Variants in RCOR3 observed in about 807,000 individuals in gnomAD.
The protein encoded by RCOR3 is REST corepressor 3.
A neutral mutation model predicts 64.1 loss-of-function variants in RCOR3; 13 were observed. That is an observed-to-expected ratio of 0.20 (90% CI 0.13 to 0.32). RCOR3 has a LOEUF of 0.32. RCOR3 is among the 10% of genes least tolerant of loss of function. The probability of loss-of-function intolerance (pLI) is 1.00; values close to 1 mark genes in which losing one functional copy is unlikely to be tolerated. For synonymous variants in RCOR3, 215 were observed against 239.0 expected (o/e 0.90, Z 0.93); for missense variants, 489 against 701.2 (o/e 0.70, Z 3.42).
chr1:211,283,803 C>G (rs1698151716), intron 7 of RCOR3, among the ~76,000 whole-genome samples: 1 of 146,430 alleles, frequency 6.8e-6, no homozygotes, highest in African/African-American at 2.6e-5. Context: ...GCCAGCATGC[C>G]TGGCTTGTAT....
intron 10 of RCOR3, among the ~76,000 whole-genome samples, chr1:211,308,196 C>T (rs986210482): frequency 9.9e-5 from 15 of 152,114 alleles, no homozygotes; most frequent in South Asian, 2.1e-4. Flanking sequence ...ACCATAAGAA[C>T]GGAGGTTCAA....
chr1:211,305,816 A>C (rs1700794881), intron 10 of RCOR3, among the ~76,000 whole-genome samples: 1 of 152,208 alleles, frequency 6.6e-6, no homozygotes. Context: ...CTAAATATAT[A>C]GTTTGAACTA....
At chr1:211,271,990 C>G (rs765377777) in intron 3 of RCOR3, 43 of 156,304 alleles carry the variant, frequency 2.8e-4, no homozygotes, top group Non-Finnish European at 5.1e-4. Context: ...ATAAACTTGT[C>G]TTTTTAGAAT....
At chr1:211,268,369 C>CTTTTTTTTTTTTT (rs756643084) in intron 2 of RCOR3, among the ~76,000 whole-genome samples, 4 of 79,358 alleles carry the variant, frequency 5.0e-5, no homozygotes, top group Admixed American at 1.6e-4. Flanking sequence ...TCTTTTCTTT[C>CTTTTTTTTTTTTT]TTTTTTTTTT....
intron 5 of RCOR3, among the ~76,000 whole-genome samples, chr1:211,277,106 CAAAAAAACAAAAAAAAT>C (rs1697102945): frequency 6.7e-6 from 1 of 148,864 alleles, no homozygotes; most frequent in Non-Finnish European, 1.5e-5. Context: ...ACAAAAAAAA[CAAAAAAACAAAAAAAAT>C]ATTATTTCAA....
rs373804516 is a variant in RCOR3 at position 211,260,481 on chromosome 1, C to T, written c.223+317C>T. Among the ~76,000 whole-genome samples, 305 of 152,324 alleles carry T rather than the reference C, an allele frequency of 2.0e-3. 1 individual carries two copies. The highest frequency in any genetic ancestry group is 6.9e-3 in the African/African-American group (288 of 41,566). ...CCTTGGCGGAGTCCAGGGTCCGAGGCCGCGGGCTGGAGGAGCAGGCGTGCG... is the reference window on the plus strand; with the variant it reads ...CCTTGGCGGAGTCCAGGGTCCGAGGTCGCGGGCTGGAGGAGCAGGCGTGCG... On this transcript the variant is annotated intron_variant, in intron 2 of 11. Transcript: ENST00000419091.
At chr1:211,268,584 T>C (rs1166830032) in intron 2 of RCOR3, among the ~76,000 whole-genome samples, 1 of 151,906 alleles carries the variant, frequency 6.6e-6, no homozygotes, top group Non-Finnish European at 1.5e-5. Context: ...TCCATGTTGG[T>C]CATGCTGGTC....
At chr1:211,265,913 C>G (rs1695104704) in intron 2 of RCOR3, among the ~76,000 whole-genome samples, 1 of 151,954 alleles carries the variant, frequency 6.6e-6, no homozygotes, top group Non-Finnish European at 1.5e-5. Context: ...AAATTTTGGG[C>G]CATGTACTCT....
At chr1:211,273,445 A>G (rs143198747) in intron 3 of RCOR3, among the ~76,000 whole-genome samples, 1,836 of 152,346 alleles carry the variant, frequency 0.012, 14 homozygotes, top group Middle Eastern at 0.071. Flanking sequence ...TATTTCCAAA[A>G]AAGTTAATTT....
intron 2 of RCOR3, among the ~76,000 whole-genome samples, chr1:211,268,136 G>T (rs375408853): frequency 1.3e-5 from 2 of 152,082 alleles, no homozygotes; most frequent in African/African-American, 2.4e-5. Flanking sequence ...TGACCATTGT[G>T]CAGAATAATC....
At chr1:211,307,848 G>A (rs1474265501) in intron 10 of RCOR3, among the ~76,000 whole-genome samples, 2 of 151,398 alleles carry the variant, frequency 1.3e-5, no homozygotes, top group Non-Finnish European at 2.9e-5. Flanking sequence ...TTTATATTTA[G>A]TTATTTTTTA....
At chr1:211,277,265 A>G (rs886581645) in intron 5 of RCOR3, among the ~76,000 whole-genome samples, 7 of 151,884 alleles carry the variant, frequency 4.6e-5, no homozygotes, top group African/African-American at 1.7e-4. Flanking sequence ...TTCCTGCATT[A>G]AACGATTTTA....
chr1:211,272,612 CTTTTTTTTT>C (rs768152573), intron 3 of RCOR3, among the ~76,000 whole-genome samples: 8 of 43,514 alleles, frequency 1.8e-4, no homozygotes, highest in Admixed American at 1.4e-3. Context: ...GGATGTCTTA[CTTTTTTTTT>C]TTTTTTTTTT....
intron 4 of RCOR3, among the ~76,000 whole-genome samples, chr1:211,275,457 G>C (rs1696831887): frequency 6.6e-6 from 1 of 151,994 alleles, no homozygotes; most frequent in Non-Finnish European, 1.5e-5. Flanking sequence ...TTGTTTTCCT[G>C]TGTATTTTAA....
In RCOR3 at chr1:211,289,193, C is replaced by T; in HGVS notation, c.736C>T (p.Pro246Ser). The part of the protein sequence containing the change: ...EAKKEGNTEQ[P>S]VQTSKIGLGR... ...ATTCTCTTAGGGTAATACTGAACAACCTGTCCAAACTAGCAAGATTGGACT... is the reference window on the plus strand; with the variant it reads ...ATTCTCTTAGGGTAATACTGAACAATCTGTCCAAACTAGCAAGATTGGACT... Residue 246 changes from proline (P) to serine (S), a missense_variant, in exon 8 of 12, where the codon CCT becomes TCT. Coordinates refer to ENST00000419091, the MANE Select transcript of RCOR3 (RefSeq NM_001136223.3). The T allele has an allele frequency of 1.2e-6, 2 of 1,613,958 alleles. No homozygotes were observed. Among genetic ancestry groups the T allele is most frequent in the African/African-American group, 2.7e-5 (2 of 75,026 alleles).
intron 10 of RCOR3, among the ~76,000 whole-genome samples, chr1:211,307,224 C>T (rs769080745): frequency 1.3e-5 from 2 of 152,122 alleles, no homozygotes; most frequent in African/African-American, 2.4e-5. Context: ...TGTGGTGGCT[C>T]ACGCCTGTAA....
intron 6 of RCOR3, 110 bp downstream of exon 6, chr1:211,278,351 T>C (rs1490067418): frequency 3.2e-6 from 4 of 1,242,032 alleles, no homozygotes; most frequent in Non-Finnish European, 3.4e-6. Flanking sequence ...TTCCTTATTC[T>C]TACATTTATG....
In RCOR3 at chr1:211,279,327, T is replaced by A; in HGVS notation, c.720+11T>A. ...GAAGCCAAAAAAGAGGTAATGATGATCACTAGAAGTACTTGTGATTGTTCT... is the reference window on the plus strand; with the variant it reads ...GAAGCCAAAAAAGAGGTAATGATGAACACTAGAAGTACTTGTGATTGTTCT... On this transcript the variant is annotated intron_variant, in intron 7 of 11. Coordinates refer to ENST00000419091, the MANE Select transcript of RCOR3 (RefSeq NM_001136223.3). 1.3e-6 allele frequency: 2 copies of A among 1,576,146 alleles called. No homozygotes were observed. Among genetic ancestry groups the A allele is most frequent in the Non-Finnish European group, 1.7e-6 (2 of 1,146,496 alleles).
In RCOR3 at chr1:211,314,470, G is replaced by C. The variant is rs1305539013; in HGVS notation, c.*702G>C. 6.6e-6 allele frequency: 1 copy of C among 152,098 alleles called. No individual in the cohort carries two copies. Among genetic ancestry groups the C allele is most frequent in the Non-Finnish European group, 1.5e-5 (1 of 68,008 alleles). 9.4% of individuals were successfully genotyped at this position (152,098 alleles called of 1,614,324 possible). A position where few individuals can be genotyped will look rare whatever the true frequency, so the allele number is the denominator to read the frequency against. ...ACATACAGTTTAGGGTCCTAGCGCA[G>C]AGTCCTTGTTTAAAGGTCATTGACT... is the stretch of plus-strand genomic sequence containing the variant. On this transcript the variant is annotated 3_prime_UTR_variant, in exon 12 of 12. Coordinates refer to ENST00000419091, the MANE Select transcript of RCOR3 (RefSeq NM_001136223.3).
Sources: allele counts gnomAD v4.1 joint callset (sites outside exome capture counted in the v4.1 genomes callset), GRCh38; gene constraint gnomAD v4.1.1; transcripts MANE v1.5; gene names NCBI Gene and HGNC (gene_info 2026-07-23, HGNC 2026-07-21).